Variants in UNC119B observed in about 807,000 individuals in gnomAD.
UNC119B encodes the protein protein unc-119 homolog B.
In UNC119B, 16 loss-of-function variants were observed where a neutral mutation model predicts 23.4. The ratio of observed to expected loss-of-function variants is 0.68; its 90% CI spans 0.46 to 1.04. UNC119B has a LOEUF of 1.04. UNC119B is among the 50% of genes least tolerant of loss of function. The probability of loss-of-function intolerance (pLI) is 0.00; values close to 1 mark genes in which losing one functional copy is unlikely to be tolerated. For synonymous variants in UNC119B, 144 were observed against 145.4 expected (o/e 0.99, Z 0.07); for missense variants, 350 against 361.3 (o/e 0.97, Z 0.25).
rs1882909467 is a variant in UNC119B, at chr12:120,721,790, T to G, written c.*1758T>G. On this transcript the variant is annotated 3_prime_UTR_variant, in exon 5 of 5. Transcript: ENST00000344651. ...CCACTCTCAGAACTGGCGTCCACTG[T>G]AAATCCAGGTGCCTTACGTGTGGCT... 6.5e-6 allele frequency: 1 copy of G among 152,698 alleles called. No homozygotes were observed. The highest frequency in any genetic ancestry group is 1.5e-5 in the Non-Finnish European group (1 of 68,064). 9.5% of individuals were successfully genotyped at this position (152,698 alleles called of 1,614,324 possible).
intron 4 of UNC119B, among the ~76,000 whole-genome samples, chr12:120,717,870 T>G (rs1431828872): frequency 2.0e-5 from 3 of 147,450 alleles, no homozygotes; most frequent in Non-Finnish European, 4.5e-5. Flanking sequence ...GTCTGAAGGT[T>G]TTTTTTTTTT....
At position 120,720,268 on chromosome 12, in the gene UNC119B, A is replaced by C. The variant is rs552581349; in HGVS notation, c.*236A>C. The C allele has an allele frequency of 9.5e-5, 47 of 495,352 alleles. No homozygotes were observed. In the East Asian group the frequency reaches 1.6e-3, roughly 17 times the overall value. The allele number at this position is 495,352 out of a possible 1,614,324, so 30.7% of individuals were successfully genotyped here. A position where few individuals can be genotyped will look rare whatever the true frequency, so the allele number is the denominator to read the frequency against. On this transcript the variant is annotated 3_prime_UTR_variant, in exon 5 of 5. Coordinates refer to ENST00000344651, the MANE Select transcript of UNC119B (RefSeq NM_001080533.3). ...CGTAGGTTGCAGAGGTACTATAGTA[A>C]AGTAAAAGGTTAGGATAAGGGTCCT...
At position 120,710,544 on chromosome 12, in the gene UNC119B, A is replaced by G. The variant is rs1882636769; in HGVS notation, c.70A>G (p.Lys24Glu). The part of the protein sequence containing the change: ...AAGPGGLVAG[K>E]EEKKKAGGGV... ...TGGGCCCGGGGGGCTGGTGGCTGGC[A>G]AGGAGGAGAAGAAGAAGGCGGGCGG... The change falls in exon 1 of 5, where the codon AAG becomes GAG. Residue 24 changes from lysine (K) to glutamate (E), a missense_variant. Coordinates refer to ENST00000344651, the MANE Select transcript of UNC119B (RefSeq NM_001080533.3). The G allele has an allele frequency of 2.9e-6, 4 of 1,385,772 alleles. No individual in the cohort carries two copies. Among genetic ancestry groups the G allele is most frequent in the Middle Eastern group, 2.6e-4 (1 of 3,912 alleles). 85.8% of individuals were successfully genotyped at this position (1,385,772 alleles called of 1,614,324 possible).
At chr12:120,714,875 C>G (rs1882740129) in intron 2 of UNC119B, among the ~76,000 whole-genome samples, 3 of 152,052 alleles carry the variant, frequency 2.0e-5, no homozygotes, top group African/African-American at 7.3e-5. Flanking sequence ...ATTTAAGGAT[C>G]TTGATTCACT....
At position 120,716,663 on chromosome 12, in the gene UNC119B, G is replaced by T; in HGVS notation, c.394G>T (p.Val132Leu). 1 of 1,614,196 alleles carries T rather than the reference G, an allele frequency of 6.2e-7. No individual in the cohort carries two copies. Among genetic ancestry groups the T allele is most frequent in the Non-Finnish European group, 8.5e-7 (1 of 1,180,024 alleles). Residue 132 changes from valine to leucine, a missense_variant, in exon 3 of 5, where the codon GTG becomes TTG. Val to Leu is a conservative substitution (Grantham distance 32, BLOSUM62 1). Coordinates refer to ENST00000344651, the MANE Select transcript of UNC119B (RefSeq NM_001080533.3). ...GGATGAGGAGGAGGGAGGTGGAGAC[G>T]TGGACATCAGCGCAGGACGTTTTGT... is the stretch of plus-strand genomic sequence containing the variant. The part of the protein sequence containing the change: ...EEDEEEGGGD[V>L]DISAGRFVRY...
At chr12:120,717,153 T>A in intron 4 of UNC119B, 111 bp downstream of exon 4, 1 of 1,079,802 alleles carries the variant, frequency 9.3e-7, no homozygotes, top group Non-Finnish European at 1.3e-6. Flanking sequence ...AGTGCTGACA[T>A]GATGCGTATC....
At position 120,722,842 on chromosome 12, in the gene UNC119B, C is replaced by T. The variant is rs540438111; in HGVS notation, c.*2810C>T. The T allele has an allele frequency of 1.5e-4, 23 of 152,336 alleles. No homozygotes were observed. Among genetic ancestry groups the T allele is most frequent in the Admixed American group, 1.2e-3 (19 of 15,302 alleles). The allele number at this position is 152,336 out of a possible 1,614,324, so 9.4% of individuals were successfully genotyped here. A position where few individuals can be genotyped will look rare whatever the true frequency, so the allele number is the denominator to read the frequency against. On this transcript the variant is annotated 3_prime_UTR_variant, in exon 5 of 5. Coordinates refer to ENST00000344651, the MANE Select transcript of UNC119B (RefSeq NM_001080533.3). The stretch of plus-strand genomic sequence containing the variant: ...TTTTGGGCTAAAGTAGGCTATGTCT[C>T]CTTATGTATTACTCAATACTGTTTT...
chr12:120,716,861 A>G lies in UNC119B; in HGVS notation c.471-9A>G, dbSNP rs1231053506. Reference sequence around the variant, plus strand: ...GGCAAAGTCGGGCTTACAGAGATTTATTTTCCAGGGTGGAGTTCACAGTGG... The same window carrying G: ...GGCAAAGTCGGGCTTACAGAGATTTGTTTTCCAGGGTGGAGTTCACAGTGG... On this transcript the variant is annotated splice_polypyrimidine_tract_variant and intron_variant, in intron 3 of 4. Transcript: ENST00000344651. The G allele has an allele frequency of 1.9e-6, 3 of 1,607,124 alleles. No individual in the cohort carries two copies. The highest frequency in any genetic ancestry group is 2.2e-5 in the South Asian group (2 of 90,728).
intron 4 of UNC119B, among the ~76,000 whole-genome samples, chr12:120,719,254 G>A (rs1317502691): frequency 6.6e-6 from 1 of 152,178 alleles, no homozygotes; most frequent in African/African-American, 2.4e-5. Flanking sequence ...ACTGATCAGA[G>A]GTAGTGACTG....
At chr12:120,718,945 T>C (rs890460489) in intron 4 of UNC119B, among the ~76,000 whole-genome samples, 2 of 152,232 alleles carry the variant, frequency 1.3e-5, no homozygotes, top group African/African-American at 4.8e-5. Context: ...CCAAGCTGGC[T>C]AGAATATGTA....
At position 120,710,603 on chromosome 12, in the gene UNC119B, G is replaced by A; in HGVS notation, c.129G>A (p.Gln43=). 1 of 1,434,818 alleles carries A rather than the reference G, an allele frequency of 7.0e-7. No homozygotes were observed. Among genetic ancestry groups the A allele is most frequent in the Non-Finnish European group, 9.1e-7 (1 of 1,099,998 alleles). 88.9% of individuals were successfully genotyped at this position (1,434,818 alleles called of 1,614,324 possible). A position where few individuals can be genotyped will look rare whatever the true frequency, so the allele number is the denominator to read the frequency against. Residue 43 remains glutamine, a synonymous_variant, in exon 1 of 5, where the codon CAG becomes CAA. Transcript: ENST00000344651. ...TGAACCGCCTGAAGGCGCGGCGGCAGGCGCCCCACCACGCGGCCGACGACG... is the reference window on the plus strand; with the variant it reads ...TGAACCGCCTGAAGGCGCGGCGGCAAGCGCCCCACCACGCGGCCGACGACG... The part of the protein sequence containing the change: ...GVLNRLKARR[Q]APHHAADDGV...
chr12:120,710,933 GT>G, intron 1 of UNC119B: 1 of 388,910 alleles, frequency 2.6e-6, no homozygotes, highest in Non-Finnish European at 4.2e-6. Flanking sequence ...CCGCATTCCT[GT>G]GAGTCCGGCC....
intron 2 of UNC119B, among the ~76,000 whole-genome samples, chr12:120,715,761 G>C (rs1328712439): frequency 5.3e-5 from 8 of 152,120 alleles, no homozygotes; most frequent in Non-Finnish European, 1.2e-4. Context: ...TTGAACTCCT[G>C]ACCTCAGGGG....
chr12:120,713,385 C>T lies in UNC119B; in HGVS notation c.356C>T (p.Ser119Leu), dbSNP rs551753915. ...TTTGAGATTGCCAAACCTTGCGTTT[C>T]AGGTAGGCCTCTACGTTGTGGTGAC... The part of the protein sequence containing the change: ...VLFEIAKPCV[S>L]DQEEDEEEGG... Residue 119 changes from serine to leucine, a missense_variant and splice_region_variant, in exon 2 of 5, where the codon TCA (serine) becomes TTA (leucine). Physicochemically the swap from Ser to Leu is moderately radical, Grantham distance 145. Coordinates refer to ENST00000344651, the MANE Select transcript of UNC119B (RefSeq NM_001080533.3). The T allele has an allele frequency of 6.2e-7, 1 of 1,611,996 alleles. No homozygotes were observed. The highest frequency in any genetic ancestry group is 2.2e-5 in the East Asian group (1 of 44,868).
chr12:120,716,690 C>G lies in UNC119B; in HGVS notation c.421C>G (p.Arg141Gly), dbSNP rs140316676. Residue 141 changes from arginine to glycine, a missense_variant, in exon 3 of 5, where the codon CGC becomes GGC. Physicochemically the swap from Arg to Gly is moderately radical, Grantham distance 125. Transcript: ENST00000344651. ...DVDISAGRFV[R>G]YQFTPAFLRL... The stretch of plus-strand genomic sequence containing the variant: ...GGACATCAGCGCAGGACGTTTTGTC[C>G]GCTATCAGTTCACACCGGCATTTCT... 4 of 1,614,148 alleles carry G rather than the reference C, an allele frequency of 2.5e-6. No individual in the cohort carries two copies. The highest frequency in any genetic ancestry group is 3.4e-6 in the Non-Finnish European group (4 of 1,180,028).
At position 120,722,121 on chromosome 12, in the gene UNC119B, A is replaced by G. The variant is rs997534692; in HGVS notation, c.*2089A>G. 1 of 152,308 alleles carries G rather than the reference A, an allele frequency of 6.6e-6. No individual in the cohort carries two copies. Among genetic ancestry groups the G allele is most frequent in the Non-Finnish European group, 1.5e-5 (1 of 68,100 alleles). 9.4% of individuals were successfully genotyped at this position (152,308 alleles called of 1,614,324 possible). A position where few individuals can be genotyped will look rare whatever the true frequency, so the allele number is the denominator to read the frequency against. On this transcript the variant is annotated 3_prime_UTR_variant, in exon 5 of 5. Transcript: ENST00000344651. ...TGCCCCTGGGCACACTGTATCTGCTACATTAGTGGGCTATCTCTTATCTGC... is the reference window on the plus strand; with the variant it reads ...TGCCCCTGGGCACACTGTATCTGCTGCATTAGTGGGCTATCTCTTATCTGC...
Position 120,723,165 on chromosome 12 carries a change from T to C in UNC119B, c.*3133T>C, listed in dbSNP as rs1042346940. 2 of 154,778 alleles carry C rather than the reference T, an allele frequency of 1.3e-5. No homozygotes were observed. The highest frequency in any genetic ancestry group is 2.4e-5 in the African/African-American group (1 of 41,516). 9.6% of individuals were successfully genotyped at this position (154,778 alleles called of 1,614,324 possible). A position where few individuals can be genotyped will look rare whatever the true frequency, so the allele number is the denominator to read the frequency against. ...TCTTTTCCCCTCTGTAAAGTCACTT[T>C]CTTCTGATGGCCAGTGTCACTATGA... On this transcript the variant is annotated 3_prime_UTR_variant, in exon 5 of 5. Coordinates refer to ENST00000344651, the MANE Select transcript of UNC119B (RefSeq NM_001080533.3).
intron 1 of UNC119B, among the ~76,000 whole-genome samples, chr12:120,712,555 T>C (rs1882692640): frequency 6.6e-6 from 1 of 152,240 alleles, no homozygotes; most frequent in Non-Finnish European, 1.5e-5. Flanking sequence ...TGGATATGTA[T>C]GATATGTATT....
Position 120,722,812 on chromosome 12 carries a change from A to C in UNC119B, c.*2780A>C, listed in dbSNP as rs2066938. On this transcript the variant is annotated 3_prime_UTR_variant, in exon 5 of 5. Coordinates refer to ENST00000344651, the MANE Select transcript of UNC119B (RefSeq NM_001080533.3). ...GAGGTAAAAGGACATAACAAGTGAA[A>C]GAAGTTTTGGGCTAAAGTAGGCTAT... is the stretch of plus-strand genomic sequence containing the variant. The C allele has an allele frequency of 4.6e-5, 7 of 152,144 alleles. No homozygotes were observed. Among genetic ancestry groups the C allele is most frequent in the Non-Finnish European group, 1.0e-4 (7 of 68,026 alleles). 9.4% of individuals were successfully genotyped at this position (152,144 alleles called of 1,614,324 possible). A position where few individuals can be genotyped will look rare whatever the true frequency, so the allele number is the denominator to read the frequency against.
Sources: gnomAD v4.1 joint callset for allele counts (sites outside exome capture counted in the v4.1 genomes callset) on GRCh38, gnomAD v4.1.1 for gene constraint, MANE v1.5 for transcripts, NCBI Gene and HGNC (gene_info 2026-07-23, HGNC 2026-07-21) for gene names.